Variants in CCDC14 observed in about 807,000 individuals in gnomAD.
CCDC14 encodes the protein coiled-coil domain-containing protein 14.
A neutral mutation model predicts 81.4 loss-of-function variants in CCDC14; 71 were observed. That is an observed-to-expected ratio of 0.87 (90% CI 0.72 to 1.06). CCDC14 has a LOEUF of 1.06. Ranked by LOEUF, CCDC14 falls within the 50% of genes least tolerant of loss-of-function variation. The probability of loss-of-function intolerance (pLI) is 0.00; values close to 1 mark genes in which losing one functional copy is unlikely to be tolerated. For missense variants in CCDC14, 1,046 were observed against 1,047.3 expected (o/e 1.00, Z 0.02); for synonymous variants, 332 against 364.8 (o/e 0.91, Z 1.03).
chr3:123,896,780 G>C (rs1344662933), downstream of CCDC14, among the ~76,000 whole-genome samples: 4 of 152,078 alleles, frequency 2.6e-5, no homozygotes, highest in Non-Finnish European at 5.9e-5. Flanking sequence ...ACTGTACACT[G>C]ATTTTCTGTA....
the CCDC14 span, among the ~76,000 whole-genome samples, chr3:123,892,077 G>GA: frequency 2.5e-3 from 376 of 152,264 alleles, no homozygotes; most frequent in Middle Eastern, 0.014. Flanking sequence ...ACTATCTTGA[G>GA]AAAAGCACAG....
At chr3:123,952,967 T>C (rs1343849613) in intron 5 of CCDC14, 1 of 167,112 alleles carries the variant, frequency 6.0e-6, no homozygotes, top group Admixed American at 5.8e-5. Flanking sequence ...TGGAAGTAGG[T>C]CCTTCCTTCT....
intron 1 of CCDC14, among the ~76,000 whole-genome samples, chr3:123,959,691 A>G (rs900426603): frequency 6.6e-6 from 1 of 152,156 alleles, no homozygotes; most frequent in Non-Finnish European, 1.5e-5. Context: ...CATTTCTCCA[A>G]GAAGCCATGA....
At chr3:123,938,321 G>A (rs555704985) in intron 9 of CCDC14, among the ~76,000 whole-genome samples, 1 of 151,958 alleles carries the variant, frequency 6.6e-6, no homozygotes, top group South Asian at 2.1e-4. Flanking sequence ...AGTTTTCAGT[G>A]TATGGGTCTT....
chr3:123,889,454 A>C, the CCDC14 span, among the ~76,000 whole-genome samples: 2 of 152,186 alleles, frequency 1.3e-5, no homozygotes, highest in African/African-American at 2.4e-5. Flanking sequence ...AAGGGGCTAC[A>C]GGCCTCATGC....
Position 123,944,941 on chromosome 3 carries a change from A to G in CCDC14, c.1251T>C (p.Ser417=). 6.2e-7 allele frequency: 1 copy of G among 1,610,556 alleles called. No individual in the cohort carries two copies. Among genetic ancestry groups the G allele is most frequent in the Non-Finnish European group, 8.5e-7 (1 of 1,177,492 alleles). ...TGTTTCCACTTACTGTTGGAAGTAC[A>G]GATATACATGCCTCCATTTCTGTAA... ...RLITEMEACI[S]VLPTVSGNTD... is the part of the protein sequence containing the mutation. The change falls in exon 9 of 13, where the codon TCT becomes TCC. Residue 417 remains serine, a synonymous_variant. Transcript: ENST00000409697.
downstream of CCDC14, among the ~76,000 whole-genome samples, chr3:123,894,802 T>C (rs189710634): frequency 3.2e-3 from 483 of 152,340 alleles, 3 homozygotes; most frequent in African/African-American, 0.011. Context: ...TTTGTATCAT[T>C]TCCTATTATG....
At chr3:123,950,229 C>T (rs961110759) in intron 5 of CCDC14, among the ~76,000 whole-genome samples, 1 of 152,106 alleles carries the variant, frequency 6.6e-6, no homozygotes, top group African/African-American at 2.4e-5. Context: ...GGATATTTGT[C>T]ACACCTACCA....
At chr3:123,961,011 C>G (rs753179574) in intron 1 of CCDC14, 133 bp downstream of exon 1, 4 of 768,812 alleles carry the variant, frequency 5.2e-6, no homozygotes, top group Non-Finnish European at 8.2e-6. Context: ...TTCCCTGCAC[C>G]TCTGTCCCAG....
At position 123,951,103 on chromosome 3, in the gene CCDC14, T is replaced by C. The variant is rs115315900; in HGVS notation, c.353-1971A>G. Among the ~76,000 whole-genome samples, 757 of 152,306 alleles carry C rather than the reference T, an allele frequency of 5.0e-3. 4 individuals carry two copies. The highest frequency in any genetic ancestry group is 0.018 in the African/African-American group (731 of 41,562). On this transcript the variant is annotated intron_variant, in intron 5 of 12. Coordinates refer to ENST00000409697, the MANE Select transcript of CCDC14 (RefSeq NM_001366335.1). ...AATACAAGCTTTAACACTTATTAGC[T>C]GAGTAACCTTGCGCAAATTAACTTC... is the stretch of plus-strand genomic sequence containing the variant.
At chr3:123,919,412 G>A (rs1211144744) in intron 12 of CCDC14, among the ~76,000 whole-genome samples, 1 of 152,096 alleles carries the variant, frequency 6.6e-6, no homozygotes, top group Non-Finnish European at 1.5e-5. Flanking sequence ...GAGTGGCTGG[G>A]CAGCAAACCC....
downstream of CCDC14, among the ~76,000 whole-genome samples, chr3:123,909,808 TTTG>T (rs1339606099): frequency 6.6e-5 from 10 of 152,192 alleles, no homozygotes; most frequent in Non-Finnish European, 1.2e-4. Context: ...TGGTGACAGA[TTTG>T]GAGCCCTAAA....
intron 12 of CCDC14, chr3:123,930,743 G>C (rs1308576456): frequency 1.2e-5 from 2 of 172,288 alleles, no homozygotes; most frequent in African/African-American, 4.8e-5. Flanking sequence ...CTGAGGTTTA[G>C]AGAAGTTAAA....
chr3:123,947,119 C>T lies in CCDC14; in HGVS notation c.885G>A (p.Lys295=), dbSNP rs529268315. The T allele has an allele frequency of 1.9e-6, 3 of 1,613,928 alleles. No homozygotes were observed. The highest frequency in any genetic ancestry group is 1.7e-5 in the Admixed American group (1 of 60,018). ...NGILPQQGIH[K]ETDLLKCIQT... ...GAATACATTTTAGTAGGTCTGTTTCCTTATGAATTCCTTGTTGTGGCAGAA... is the reference window on the plus strand; with the variant it reads ...GAATACATTTTAGTAGGTCTGTTTCTTTATGAATTCCTTGTTGTGGCAGAA... Residue 295 remains lysine (K), a synonymous_variant, in exon 8 of 13, where the codon AAG becomes AAA. Coordinates refer to ENST00000409697, the MANE Select transcript of CCDC14 (RefSeq NM_001366335.1).
At chr3:123,940,759 T>A (rs2036308557) in intron 9 of CCDC14, among the ~76,000 whole-genome samples, 1 of 151,956 alleles carries the variant, frequency 6.6e-6, no homozygotes, top group Non-Finnish European at 1.5e-5. Flanking sequence ...AAAAGCTCAA[T>A]AAAAACATGT....
intron 5 of CCDC14, among the ~76,000 whole-genome samples, chr3:123,901,936 G>T (rs148970440): frequency 6.6e-6 from 1 of 152,022 alleles, no homozygotes; most frequent in East Asian, 1.9e-4. Context: ...AGAAATCAGA[G>T]AAATAAAAAT....
chr3:123,899,800 C>CT (rs964817631), intron 5 of CCDC14, among the ~76,000 whole-genome samples: 2 of 152,190 alleles, frequency 1.3e-5, no homozygotes, highest in African/African-American at 4.8e-5. Flanking sequence ...AACTCCTGAT[C>CT]TTTTTTCTGG....
At chr3:123,925,884 T>C (rs1444361888) in intron 12 of CCDC14, among the ~76,000 whole-genome samples, 1 of 152,234 alleles carries the variant, frequency 6.6e-6, no homozygotes, top group Non-Finnish European at 1.5e-5. Context: ...AACATCACTG[T>C]ACCCCATAAA....
chr3:123,931,264 T>C (rs1339837583), intron 11 of CCDC14, 30 bp from the exon 12 acceptor site: 1 of 1,588,224 alleles, frequency 6.3e-7, no homozygotes, highest in Non-Finnish European at 8.6e-7. Context: ...AGTTTCCTTA[T>C]TCCTTTTAAA....
Sources: gnomAD v4.1 joint callset for allele counts (sites outside exome capture counted in the v4.1 genomes callset) on GRCh38, gnomAD v4.1.1 for gene constraint, MANE v1.5 for transcripts, NCBI Gene and HGNC (gene_info 2026-07-23, HGNC 2026-07-21) for gene names.